PPM1N: variants seen among roughly 807,000 people sequenced by gnomAD.
The protein encoded by PPM1N is protein phosphatase, Mg2+/Mn2+ dependent 1N (putative).
A neutral mutation model predicts 32.6 loss-of-function variants in PPM1N; 35 were observed. That is an observed-to-expected ratio of 1.07 (90% CI 0.82 to 1.43). The LOEUF (loss-of-function observed/expected upper bound fraction) is 1.43, where lower values mean the gene tolerates loss of function less well. PPM1N is among the 40% of genes most tolerant of loss of function. The probability of loss-of-function intolerance (pLI) is 0.00; values close to 1 mark genes in which losing one functional copy is unlikely to be tolerated. For synonymous variants in PPM1N, 275 were observed against 270.5 expected (o/e 1.02, Z -0.16); for missense variants, 648 against 606.6 (o/e 1.07, Z -0.72).
chr19:45,502,317 AAAAAAAAAAAAAAAAAAC>A lies in PPM1N; in HGVS notation c.*240_*257del. ...GAAAAAAGCCCAAATCGAAAAAAAAAAAAAAAAAAAAAAAAAACAAAAAAACCCAACCAAATGTTTTTG... is the reference window on the plus strand; with the variant it reads ...GAAAAAAGCCCAAATCGAAAAAAAAAAAAAAAACCCAACCAAATGTTTTTG... On this transcript the variant is annotated 3_prime_UTR_variant, in exon 5 of 5. Coordinates refer to ENST00000451287, the MANE Select transcript of PPM1N (RefSeq NM_001080401.2). The A allele has an allele frequency of 8.0e-6, 4 of 502,788 alleles. 1 individual carries two copies. The highest frequency in any genetic ancestry group is 8.1e-5 in the East Asian group (2 of 24,672). 31.1% of individuals were successfully genotyped at this position (502,788 alleles called of 1,614,324 possible).
chr19:45,499,167 C>T lies in PPM1N; in HGVS notation c.695C>T (p.Ala232Val). The part of the protein sequence containing the change: ...RVEGSLAVSR[A>V]LGDFTYKEAP... ...GAGGGCTCTCTGGCCGTGTCGCGAG[C>T]GTTGGGCGACTTTACCTACAAGGAG... is the stretch of plus-strand genomic sequence containing the variant. The change falls in exon 1 of 5, where the codon GCG (alanine) becomes GTG (valine). Residue 232 changes from alanine to valine, a missense_variant. Transcript: ENST00000451287. 6.5e-7 allele frequency: 1 copy of T among 1,528,426 alleles called. No individual in the cohort carries two copies. 94.7% of individuals were successfully genotyped at this position (1,528,426 alleles called of 1,614,324 possible).
Position 45,502,336 on chromosome 19 carries a change from AAAAAAACC to A in PPM1N, c.*252_*259del. ...AAAAAAAAAAAAAAAAAAAAAAAAC[AAAAAAACC>A]CAACCAAATGTTTTTGAAATATTCA... On this transcript the variant is annotated 3_prime_UTR_variant, in exon 5 of 5. Coordinates refer to ENST00000451287, the MANE Select transcript of PPM1N (RefSeq NM_001080401.2). 2.1e-6 allele frequency: 1 copy of A among 484,010 alleles called. No homozygotes were observed. Among genetic ancestry groups the A allele is most frequent in the South Asian group, 2.5e-5 (1 of 39,634 alleles). 30.0% of individuals were successfully genotyped at this position (484,010 alleles called of 1,614,324 possible).
intron 2 of PPM1N, 101 bp downstream of exon 2, chr19:45,500,167 C>G (rs1968389134): frequency 7.1e-7 from 1 of 1,406,568 alleles, no homozygotes. Flanking sequence ...TGGAGTCTTG[C>G]TCTGTCTCCT....
chr19:45,499,434 C>A (rs758466366), intron 1 of PPM1N, 23 bp downstream of exon 1: 5 of 1,594,732 alleles, frequency 3.1e-6, no homozygotes, highest in Admixed American at 3.5e-5. Context: ...TGGCGTGGTA[C>A]CTTTGGGGCT....
rs372837632 is a variant in PPM1N, at chr19:45,499,279, G to T, written c.807G>T (p.Met269Ile). Residue 269 changes from methionine to isoleucine, a missense_variant, in exon 1 of 5, where the codon ATG (methionine) becomes ATT (isoleucine). Transcript: ENST00000451287. ...ALARQAEDEF[M>I]LLASDGVWDT... ...CACGCCAGGCTGAGGACGAGTTCAT[G>T]CTCCTGGCCTCTGATGGCGTCTGGG... 6.2e-7 allele frequency: 1 copy of T among 1,612,382 alleles called. No individual in the cohort carries two copies. Among genetic ancestry groups the T allele is most frequent in the Admixed American group, 1.7e-5 (1 of 59,880 alleles).
Position 45,499,235 on chromosome 19 carries a change from C to G in PPM1N, c.763C>G (p.Pro255Ala). The G allele has an allele frequency of 1.3e-6, 2 of 1,597,852 alleles. No homozygotes were observed. Among genetic ancestry groups the G allele is most frequent in the Non-Finnish European group, 8.5e-7 (1 of 1,174,860 alleles). The change falls in exon 1 of 5, where the codon CCA (proline) becomes GCA (alanine). Residue 255 changes from proline (P) to alanine (A), a missense_variant. Pro to Ala is a conservative substitution (Grantham distance 27). Coordinates refer to ENST00000451287, the MANE Select transcript of PPM1N (RefSeq NM_001080401.2). ...CGAGCTACAGCTCGTTTCTGCGGAG[C>G]CAGAGGTGGCCGCACTGGCACGCCA... ...PPELQLVSAE[P>A]EVAALARQAE... is the part of the protein sequence containing the mutation.
intron 4 of PPM1N, 35 bp downstream of exon 4, chr19:45,500,745 G>T: frequency 6.5e-7 from 1 of 1,542,778 alleles, no homozygotes; most frequent in Non-Finnish European, 8.8e-7. Context: ...TTTCTCTTAG[G>T]AGGGGACGCC....
At chr19:45,499,642 G>A in intron 1 of PPM1N, 1 of 1,548,796 alleles carries the variant, frequency 6.5e-7, no homozygotes, top group South Asian at 1.2e-5. Context: ...TAAGAGAAAG[G>A]GCGTGGTCTT....
At position 45,499,232 on chromosome 19, in the gene PPM1N, GA is replaced by G. The variant is rs1483922877; in HGVS notation, c.761del (p.Glu254GlyfsTer66). ...RPPELQLVSA[E>X]PEVAALARQA... is the part of the protein sequence containing the mutation. ...CCCCGAGCTACAGCTCGTTTCTGCG[GA>G]GCCAGAGGTGGCCGCACTGGCACGC... On this transcript the variant is annotated frameshift_variant, in exon 1 of 5. Coordinates refer to ENST00000451287, the MANE Select transcript of PPM1N (RefSeq NM_001080401.2). LOFTEE classifies it high-confidence loss of function. 6.3e-7 allele frequency: 1 copy of G among 1,594,860 alleles called. No homozygotes were observed. Among genetic ancestry groups the G allele is most frequent in the East Asian group, 2.2e-5 (1 of 44,638 alleles).
In PPM1N at chr19:45,499,994, G is replaced by T. The variant is rs1314697086; in HGVS notation, c.985G>T (p.Ala329Ser). 1.2e-6 allele frequency: 2 copies of T among 1,603,742 alleles called. No homozygotes were observed. Among genetic ancestry groups the T allele is most frequent in the African/African-American group, 1.3e-5 (1 of 74,858 alleles). ...MTCILVCFPG[A>S]PRPSEEAIRR... ...CTGCATCCTGGTCTGCTTCCCTGGG[G>T]CCCCTAGGCCTTCTGAGGAGGCGAT... Residue 329 changes from alanine (A) to serine (S), a missense_variant, in exon 2 of 5, where the codon GCC (alanine) becomes TCC (serine). Ala to Ser is a moderately conservative substitution (Grantham distance 99, BLOSUM62 1). Coordinates refer to ENST00000451287, the MANE Select transcript of PPM1N (RefSeq NM_001080401.2).
chr19:45,499,381 C>A lies in PPM1N; in HGVS notation c.909C>A (p.Cys303Ter), dbSNP rs1267859584. The A allele has an allele frequency of 6.2e-7, 1 of 1,606,750 alleles. No homozygotes were observed. Among genetic ancestry groups the A allele is most frequent in the Non-Finnish European group, 8.5e-7 (1 of 1,177,136 alleles). The stretch of plus-strand genomic sequence containing the variant: ...TGGGCCTGGCCCCAGAGCTTCTCTG[C>A]GCGCAGCTGTTGGACACGTGTCTGT... The part of the protein sequence containing the change: ...LRLGLAPELL[C>*]AQLLDTCLCK... Residue 303 changes from cysteine to a stop codon, truncating the protein, a stop_gained, in exon 1 of 5, where the codon TGC (cysteine) becomes TGA (stop). Transcript: ENST00000451287. LOFTEE classifies it high-confidence loss of function.
chr19:45,499,451 A>G, intron 1 of PPM1N, 40 bp downstream of exon 1: 1 of 1,597,938 alleles, frequency 6.3e-7, no homozygotes, highest in Non-Finnish European at 8.5e-7. Flanking sequence ...GGCTTGGTGC[A>G]GCAGAGGGAG....
rs1437454564 is a variant in PPM1N at position 45,499,326 on chromosome 19, T to C, written c.854T>C (p.Leu285Pro). The C allele has an allele frequency of 6.2e-7, 1 of 1,612,826 alleles. No homozygotes were observed. Among genetic ancestry groups the C allele is most frequent in the Non-Finnish European group, 8.5e-7 (1 of 1,179,846 alleles). ...TGGGACACTGTGTCTGGTGCTGCCC[T>C]GGCGGGACTGGTGGCTTCACGCCTC... is the stretch of plus-strand genomic sequence containing the variant. The part of the protein sequence containing the change: ...GVWDTVSGAA[L>P]AGLVASRLRL... Residue 285 changes from leucine (L) to proline (P), a missense_variant, in exon 1 of 5, where the codon CTG becomes CCG. Coordinates refer to ENST00000451287, the MANE Select transcript of PPM1N (RefSeq NM_001080401.2).
chr19:45,500,256 T>C lies in PPM1N; in HGVS notation c.1057+190T>C, dbSNP rs1968390541. On this transcript the variant is annotated intron_variant, in intron 2 of 4. Coordinates refer to ENST00000451287, the MANE Select transcript of PPM1N (RefSeq NM_001080401.2). Reference sequence around the variant, plus strand: ...TTCAAGCGATTCTCCTGCCTCAGCCTCCTGAGTAGCTGGGATTACAGGCAT... The same window carrying C: ...TTCAAGCGATTCTCCTGCCTCAGCCCCCTGAGTAGCTGGGATTACAGGCAT... Among the ~76,000 whole-genome samples the C allele has an allele frequency of 1.3e-5, 2 of 151,998 alleles. 1 individual carries two copies. Among genetic ancestry groups the C allele is most frequent in the South Asian group, 4.1e-4 (2 of 4,822 alleles).
At position 45,500,455 on chromosome 19, in the gene PPM1N, GA is replaced by G. The variant is rs1195568613; in HGVS notation, c.1059del (p.Glu353AspfsTer12). 6.2e-7 allele frequency: 1 copy of G among 1,603,568 alleles called. No individual in the cohort carries two copies. Among genetic ancestry groups the G allele is most frequent in the Non-Finnish European group, 8.5e-7 (1 of 1,175,012 alleles). ...CAGCCTAACTCTTGACTCTTTCTCA[GA>G]ACTGTGTGCCTCTGCTCAGAAGCCC... ...LDAALGCRIA[E>X]LCASAQKPPS... On this transcript the variant is annotated frameshift_variant and splice_region_variant, in exon 3 of 5. Transcript: ENST00000451287. LOFTEE classifies it high-confidence loss of function.
rs775839583 is a variant in PPM1N, at chr19:45,498,984, C to G, written c.512C>G (p.Ser171Cys). The change falls in exon 1 of 5, where the codon TCC becomes TGC. Residue 171 changes from serine to cysteine, a missense_variant. Coordinates refer to ENST00000451287, the MANE Select transcript of PPM1N (RefSeq NM_001080401.2). ...TGCACGGCCGTGGTGTTGCTGGTCTCCCCGCGGTTTCTGTACCTGGCGCAC... is the reference window on the plus strand; with the variant it reads ...TGCACGGCCGTGGTGTTGCTGGTCTGCCCGCGGTTTCTGTACCTGGCGCAC... The part of the protein sequence containing the change: ...GGCTAVVLLV[S>C]PRFLYLAHCG... 5 of 1,563,384 alleles carry G rather than the reference C, an allele frequency of 3.2e-6. No homozygotes were observed. In the African/African-American group the frequency reaches 6.9e-5, roughly 22 times the overall value.
Position 45,499,354 on chromosome 19 carries a change from C to T in PPM1N, c.882C>T (p.Arg294=), listed in dbSNP as rs1870282492. The part of the protein sequence containing the change: ...ALAGLVASRL[R]LGLAPELLCA... ...CGGGACTGGTGGCTTCACGCCTCCG[C>T]TTGGGCCTGGCCCCAGAGCTTCTCT... The change falls in exon 1 of 5, where the codon CGC becomes CGT. Residue 294 remains arginine, a synonymous_variant. Coordinates refer to ENST00000451287, the MANE Select transcript of PPM1N (RefSeq NM_001080401.2). 1 of 1,611,692 alleles carries T rather than the reference C, an allele frequency of 6.2e-7. No homozygotes were observed. The highest frequency in any genetic ancestry group is 8.5e-7 in the Non-Finnish European group (1 of 1,179,352).
chr19:45,501,911 T>C (rs1321332427), intron 4 of PPM1N, 106 bp from the exon 5 acceptor site: 10 of 737,110 alleles, frequency 1.4e-5, no homozygotes, highest in Non-Finnish European at 1.9e-5. Flanking sequence ...ATTCAAACCT[T>C]AATGGATTGT....
Position 45,499,128 on chromosome 19 carries a change from G to A in PPM1N, c.656G>A (p.Arg219His), listed in dbSNP as rs747370604. Reference protein sequence around the residue: ...ERIHAAGGTIRRRRVEGSLAV... With the variant: ...ERIHAAGGTIHRRRVEGSLAV... ...ATCCACGCCGCTGGCGGCACCATCC[G>A]CCGCCGCCGCGTCGAGGGCTCTCTG... Residue 219 changes from arginine (R) to histidine (H), a missense_variant, in exon 1 of 5, where the codon CGC (arginine) becomes CAC (histidine). Transcript: ENST00000451287. 2.4e-5 allele frequency: 36 copies of A among 1,512,846 alleles called. No homozygotes were observed. The East Asian group carries it at 7.2e-4, about 30-fold the overall frequency. 93.7% of individuals were successfully genotyped at this position (1,512,846 alleles called of 1,614,324 possible). A position where few individuals can be genotyped will look rare whatever the true frequency, so the allele number is the denominator to read the frequency against.
Sources: gnomAD v4.1 joint callset for allele counts (sites outside exome capture counted in the v4.1 genomes callset) on GRCh38, gnomAD v4.1.1 for gene constraint, MANE v1.5 for transcripts, NCBI Gene and HGNC (gene_info 2026-07-23, HGNC 2026-07-21) for gene names.